Variants in ZNF76 observed in about 807,000 individuals in gnomAD.
ZNF76 encodes zinc finger protein 76.
A neutral mutation model predicts 66.9 loss-of-function variants in ZNF76; 66 were observed. The ratio of observed to expected loss-of-function variants is 0.99; its 90% CI spans 0.81 to 1.21. The LOEUF is 1.21. ZNF76 is among the 50% of genes most tolerant of loss of function. ZNF76 has a pLI of 0.00. For missense variants in ZNF76, 729 were observed against 760.3 expected (o/e 0.96, Z 0.48); for synonymous variants, 275 against 296.1 (o/e 0.93, Z 0.73).
Position 35,286,367 on chromosome 6 carries a change from G to C in ZNF76, c.200G>C (p.Gly67Ala). 6.2e-7 allele frequency: 1 copy of C among 1,614,204 alleles called. No individual in the cohort carries two copies. Among genetic ancestry groups the C allele is most frequent in the Non-Finnish European group, 8.5e-7 (1 of 1,180,042 alleles). Residue 67 changes from glycine (G) to alanine (A), a missense_variant, in exon 4 of 14, where the codon GGC becomes GCC. Gly to Ala is a moderately conservative substitution (Grantham distance 60). Coordinates refer to ENST00000373953, the MANE Select transcript of ZNF76 (RefSeq NM_003427.5). ...EDGQPVQLED[G>A]SMAYIHRTPR... is the part of the protein sequence containing the mutation. ...GGTCAGCCTGTGCAGCTGGAAGATGGCAGCATGGCTTACATACACCGCACA... is the reference window on the plus strand; with the variant it reads ...GGTCAGCCTGTGCAGCTGGAAGATGCCAGCATGGCTTACATACACCGCACA...
chr6:35,263,600 C>T (rs965791352), intron 1 of ZNF76, among the ~76,000 whole-genome samples: 2 of 152,190 alleles, frequency 1.3e-5, no homozygotes, highest in Non-Finnish European at 1.5e-5. Context: ...ACCCTGGGTT[C>T]TACAACTGCT....
At chr6:35,273,112 C>T (rs1175492415) in intron 1 of ZNF76, among the ~76,000 whole-genome samples, 2 of 151,000 alleles carry the variant, frequency 1.3e-5, no homozygotes, top group East Asian at 2.0e-4. Context: ...GCTGAGCTCG[C>T]ACCACTGCAC....
chr6:35,266,797 C>CTTTTT lies in ZNF76; in HGVS notation c.-97+6974_-97+6978dup, dbSNP rs57833954. Among the ~76,000 whole-genome samples the CTTTTT allele has an allele frequency of 2.5e-3, 229 of 93,296 alleles. 2 individuals are homozygous for CTTTTT. The highest frequency in any genetic ancestry group is 3.3e-3 in the Admixed American group (20 of 6,092). The allele number at this position is 93,296 out of a possible 152,430, so 61.2% of individuals were successfully genotyped here. A position where few individuals can be genotyped will look rare whatever the true frequency, so the allele number is the denominator to read the frequency against. ...CTTTATTTTATTTTATTGTCTATTT[C>CTTTTT]TTTTTTTTTTTTTTTTTTTTTTGAG... On this transcript the variant is annotated intron_variant, in intron 1 of 13. Transcript: ENST00000373953.
intron 13 of ZNF76, 74 bp from the exon 14 acceptor site, chr6:35,295,070 C>G: frequency 8.2e-7 from 1 of 1,217,200 alleles, no homozygotes; most frequent in South Asian, 1.4e-5. Flanking sequence ...AAAAGTAGGC[C>G]ACATATTACT....
At chr6:35,288,494 G>T (rs1454315495) in intron 5 of ZNF76, among the ~76,000 whole-genome samples, 1 of 152,218 alleles carries the variant, frequency 6.6e-6, no homozygotes, top group African/African-American at 2.4e-5. Context: ...CCAAACCAGG[G>T]TGTTCCCTTC....
chr6:35,260,125 A>G (rs1014584761), intron 1 of ZNF76, among the ~76,000 whole-genome samples: 1 of 145,066 alleles, frequency 6.9e-6, no homozygotes, highest in Non-Finnish European at 1.5e-5. Context: ...AGACCTCACC[A>G]GGTAACCGTT....
rs1791081481 is a variant in ZNF76, at chr6:35,295,626, G to C, written c.*378G>C. ...ACTGGCCCTGTAGGGTTGAGCCACA[G>C]ACAGCTCTTCAGCCCAGTAGCAGTG... On this transcript the variant is annotated 3_prime_UTR_variant, in exon 14 of 14. Transcript: ENST00000373953. 1 of 313,868 alleles carries C rather than the reference G, an allele frequency of 3.2e-6. No individual in the cohort carries two copies. The highest frequency in any genetic ancestry group is 2.8e-5 in the South Asian group (1 of 36,190). 19.4% of individuals were successfully genotyped at this position (313,868 alleles called of 1,614,324 possible).
In ZNF76 at chr6:35,287,536, G is replaced by A; in HGVS notation, c.233-110G>A. On this transcript the variant is annotated intron_variant, in intron 4 of 13. Coordinates refer to ENST00000373953, the MANE Select transcript of ZNF76 (RefSeq NM_003427.5). The surrounding 1 kb of genome is among the most constrained non-coding windows in gnomAD (Gnocchi z 4.0). The stretch of plus-strand genomic sequence containing the variant: ...CAAAGTGAAGGGCCATGAGAAATTG[G>A]ATGTTGAAACCCTCCTTGGTATATG... 1.0e-6 allele frequency: 1 copy of A among 1,002,038 alleles called. No homozygotes were observed. The highest frequency in any genetic ancestry group is 1.5e-6 in the Non-Finnish European group (1 of 686,570). The allele number at this position is 1,002,038 out of a possible 1,614,324, so 62.1% of individuals were successfully genotyped here. A position where few individuals can be genotyped will look rare whatever the true frequency, so the allele number is the denominator to read the frequency against.
chr6:35,262,392 A>G (rs1229001697), intron 1 of ZNF76, among the ~76,000 whole-genome samples: 1 of 152,166 alleles, frequency 6.6e-6, no homozygotes, highest in Non-Finnish European at 1.5e-5. Context: ...AAGTTGCCAT[A>G]TTTTGGAGTA....
intron 5 of ZNF76, among the ~76,000 whole-genome samples, chr6:35,289,358 T>C (rs1209979717): frequency 2.6e-5 from 4 of 152,138 alleles, no homozygotes; most frequent in African/African-American, 7.2e-5. Context: ...TGTTTAAGTG[T>C]CCGTGAAGCT....
chr6:35,292,653 C>T lies in ZNF76; in HGVS notation c.1031C>T (p.Pro344Leu). The T allele has an allele frequency of 6.2e-7, 1 of 1,614,134 alleles. No homozygotes were observed. The highest frequency in any genetic ancestry group is 8.5e-7 in the Non-Finnish European group (1 of 1,180,034). Reference sequence around the variant, plus strand: ...CACGTGGTGCACACACACTGCAAGCCCTACACCTGCAGCACCTGCGGCAAG... The same window carrying T: ...CACGTGGTGCACACACACTGCAAGCTCTACACCTGCAGCACCTGCGGCAAG... ...KHHVVHTHCK[P>L]YTCSTCGKTY... is the part of the protein sequence containing the mutation. The change falls in exon 10 of 14, where the codon CCC (proline) becomes CTC (leucine). Residue 344 changes from proline to leucine, a missense_variant. Transcript: ENST00000373953. The surrounding 1 kb of genome is among the most constrained non-coding windows in gnomAD (Gnocchi z 4.7).
chr6:35,293,009 CA>C lies in ZNF76; in HGVS notation c.1295del (p.Gln432ArgfsTer4). ...GGTGACTGAAGAAGATGGGGCCCCC[CA>C]GGTGGCTCTGATCACTCAGGATGGT... ...AMVTEEDGAP[Q>X]VALITQDGAQ... On this transcript the variant is annotated frameshift_variant, in exon 11 of 14. Coordinates refer to ENST00000373953, the MANE Select transcript of ZNF76 (RefSeq NM_003427.5). LOFTEE classifies it high-confidence loss of function. 17 of 1,614,106 alleles carry C rather than the reference CA, an allele frequency of 1.1e-5. No homozygotes were observed. The highest frequency in any genetic ancestry group is 1.4e-5 in the Non-Finnish European group (17 of 1,180,024).
intron 5 of ZNF76, among the ~76,000 whole-genome samples, chr6:35,288,997 A>G (rs926168263): frequency 4.0e-5 from 6 of 150,888 alleles, no homozygotes; most frequent in Non-Finnish European, 8.8e-5. Flanking sequence ...AGTAGGCTAC[A>G]TTCACTCCCA....
Position 35,288,949 on chromosome 6 carries a change from TAAA to T in ZNF76, c.432+1124_432+1126del, listed in dbSNP as rs34352057. Among the ~76,000 whole-genome samples the T allele has an allele frequency of 7.1e-3, 675 of 95,718 alleles. 4 individuals are homozygous for T. The highest frequency in any genetic ancestry group is 0.021 in the African/African-American group (527 of 24,790). The allele number at this position is 95,718 out of a possible 152,430, so 62.8% of individuals were successfully genotyped here. A position where few individuals can be genotyped will look rare whatever the true frequency, so the allele number is the denominator to read the frequency against. ...CTGGGCAACAGAGGGAGATCCTATC[TAAA>T]AAAAAAAAAAAAAAAAAAAGTCACA... On this transcript the variant is annotated intron_variant, in intron 5 of 13. Coordinates refer to ENST00000373953, the MANE Select transcript of ZNF76 (RefSeq NM_003427.5).
At chr6:35,260,040 C>T (rs1378502689) in intron 1 of ZNF76, among the ~76,000 whole-genome samples, 199 bp downstream of exon 1, 1 of 151,946 alleles carries the variant, frequency 6.6e-6, no homozygotes, top group Admixed American at 6.5e-5. Context: ...GCTCCTCCCC[C>T]GTGACTCCCA....
chr6:35,260,453 C>T (rs917433788), intron 1 of ZNF76, among the ~76,000 whole-genome samples: 1 of 152,162 alleles, frequency 6.6e-6, no homozygotes, highest in Non-Finnish European at 1.5e-5. Context: ...ACCCTCGTTC[C>T]ACGTCTGCCT....
Position 35,290,650 on chromosome 6 carries a change from C to G in ZNF76, c.559C>G (p.Arg187Gly), listed in dbSNP as rs774768336. Residue 187 changes from arginine to glycine, a missense_variant, in exon 7 of 14, where the codon CGA (arginine) becomes GGA (glycine). Arg to Gly is a moderately radical substitution (Grantham distance 125, BLOSUM62 -2). Transcript: ENST00000373953. ...TTGCTTGTCCTCACAGGTGCATGAACGAGCTCATACAGGTGACCGTCCATA... is the reference window on the plus strand; with the variant it reads ...TTGCTTGTCCTCACAGGTGCATGAAGGAGCTCATACAGGTGACCGTCCATA... ...TTAHHLKVHE[R>G]AHTGDRPYRC... The G allele has an allele frequency of 1.9e-6, 3 of 1,614,076 alleles. No homozygotes were observed. Among genetic ancestry groups the G allele is most frequent in the East Asian group, 2.2e-5 (1 of 44,894 alleles).
In ZNF76 at chr6:35,292,627, C is replaced by T. The variant is rs796120168; in HGVS notation, c.1005C>T (p.His335=). Reference sequence around the variant, plus strand: ...CCGAGTACTCGAGCTTGTATAAGCACCACGTGGTGCACACACACTGCAAGC... The same window carrying T: ...CCGAGTACTCGAGCTTGTATAAGCATCACGTGGTGCACACACACTGCAAGC... ...RFTEYSSLYK[H]HVVHTHCKPY... Residue 335 remains histidine, a synonymous_variant, in exon 10 of 14, where the codon CAC becomes CAT. Transcript: ENST00000373953. This position sits in a 1 kb window ranked among gnomAD's most constrained non-coding sequence, Gnocchi z 4.7. 9 of 1,614,026 alleles carry T rather than the reference C, an allele frequency of 5.6e-6. No individual in the cohort carries two copies. In the African/African-American group the frequency reaches 9.3e-5, roughly 17 times the overall value.
chr6:35,270,186 G>A (rs1786816628), intron 1 of ZNF76, among the ~76,000 whole-genome samples: 1 of 152,108 alleles, frequency 6.6e-6, no homozygotes. Flanking sequence ...GCCCAAGCTG[G>A]AATGCAGTGG....
Sources: allele counts gnomAD v4.1 joint callset (sites outside exome capture counted in the v4.1 genomes callset), GRCh38; gene constraint gnomAD v4.1.1; non-coding constraint Gnocchi (gnomAD v3.1); transcripts MANE v1.5; gene names NCBI Gene and HGNC (gene_info 2026-07-23, HGNC 2026-07-21).